ZNF407: variants seen among roughly 807,000 people sequenced by gnomAD.
ZNF407 encodes the protein zinc finger protein 407.
In ZNF407, 17 loss-of-function variants were observed where a neutral mutation model predicts 131.2. The observed-to-expected ratio is 0.13, with a 90% CI of 0.09 to 0.19. The LOEUF (loss-of-function observed/expected upper bound fraction) is 0.19. ZNF407 is among the 10% of genes least tolerant of loss of function. ZNF407 has a pLI of 1.00. For missense variants in ZNF407, 2,681 were observed against 2,830.6 expected, an observed-to-expected ratio of 0.95 and a Z score of 1.20; for synonymous variants, 1,156 against 1,062.0, an observed-to-expected ratio of 1.09 and a Z score of -1.72.
At chr18:74,837,471 T>A (rs1000442701) in intron 4 of ZNF407, among the ~76,000 whole-genome samples, 19 of 152,048 alleles carry the variant, frequency 1.2e-4, no homozygotes, top group Middle Eastern at 3.2e-3. Flanking sequence ...TACTGATATC[T>A]TGTTATTGTT....
At chr18:75,053,189 C>T (rs942513949) in intron 8 of ZNF407, among the ~76,000 whole-genome samples, 1 of 152,156 alleles carries the variant, frequency 6.6e-6, no homozygotes, top group Admixed American at 6.5e-5. Flanking sequence ...TAGAATGACG[C>T]ACTGTTCCCT....
intron 8 of ZNF407, among the ~76,000 whole-genome samples, chr18:75,046,625 A>G (rs909408405): frequency 1.3e-5 from 2 of 152,176 alleles, no homozygotes; most frequent in African/African-American, 4.8e-5. Flanking sequence ...TCCTGCCCCC[A>G]TGGAGCCAGG....
intron 8 of ZNF407, among the ~76,000 whole-genome samples, chr18:74,987,518 G>A (rs544479278): frequency 1.7e-3 from 255 of 152,208 alleles, no homozygotes; most frequent in African/African-American, 5.9e-3. Context: ...TCTATTGATC[G>A]GGCTCTGTTT....
In ZNF407 at chr18:75,007,030, T is replaced by C. The variant is rs1972918786; in HGVS notation, c.5429-56120T>C. Among the ~76,000 whole-genome samples, 8 of 152,052 alleles carry C rather than the reference T, an allele frequency of 5.3e-5. 1 individual carries two copies. The South Asian group carries it at 1.7e-3, about 32-fold the overall frequency. ...GATTAGTAGTCACATGATGCCTCTT[T>C]TTCATTTCAACTTTTTCAACTTTTT... On this transcript the variant is annotated intron_variant, in intron 8 of 8. Transcript: ENST00000299687.
At chr18:74,658,093 G>T (rs1476493550) in intron 3 of ZNF407, among the ~76,000 whole-genome samples, 1 of 148,478 alleles carries the variant, frequency 6.7e-6, no homozygotes, top group African/African-American at 2.6e-5. Context: ...TACAATAGAA[G>T]CAGCAGTTGT....
At chr18:74,741,662 A>AT (rs1164017182) in intron 3 of ZNF407, among the ~76,000 whole-genome samples, 2 of 152,058 alleles carry the variant, frequency 1.3e-5, no homozygotes, top group Non-Finnish European at 2.9e-5. Context: ...GTATATATAT[A>AT]TTTTTCATGC....
chr18:74,756,113 C>T (rs1171130984), intron 3 of ZNF407, among the ~76,000 whole-genome samples: 4 of 151,442 alleles, frequency 2.6e-5, no homozygotes, highest in Non-Finnish European at 5.9e-5. Flanking sequence ...AGGATGGTCT[C>T]GAACTCCTGA....
intron 4 of ZNF407, among the ~76,000 whole-genome samples, chr18:74,786,274 G>C (rs909737415): frequency 1.3e-5 from 2 of 152,082 alleles, no homozygotes; most frequent in Non-Finnish European, 2.9e-5. Context: ...TCATTGAAAT[G>C]GGTGATTTAT....
chr18:75,063,268 C>T lies in ZNF407; in HGVS notation c.5547C>T (p.Pro1849=). 1 of 1,613,696 alleles carries T rather than the reference C, an allele frequency of 6.2e-7. No individual in the cohort carries two copies. The highest frequency in any genetic ancestry group is 1.1e-5 in the South Asian group (1 of 91,086). ...AAGAGCCCCTCGTCAAGGAGAAGCCCCTCAGAAGCAGCAGGAGGCCAGCGC... is the reference window on the plus strand; with the variant it reads ...AAGAGCCCCTCGTCAAGGAGAAGCCTCTCAGAAGCAGCAGGAGGCCAGCGC... ...LAEEPLVKEK[P]LRSSRRPAPP... The change falls in exon 9 of 9, where the codon CCC becomes CCT. Residue 1849 remains proline (P), a synonymous_variant. Transcript: ENST00000299687. This position sits in a 1 kb window ranked among gnomAD's most constrained non-coding sequence, Gnocchi z 6.6.
At chr18:74,692,152 T>C (rs1383415092) in intron 3 of ZNF407, among the ~76,000 whole-genome samples, 2 of 151,950 alleles carry the variant, frequency 1.3e-5, no homozygotes, top group African/African-American at 4.8e-5. Context: ...AATATATATA[T>C]ACATACATAT....
At chr18:74,936,006 A>G (rs1036600825) in intron 8 of ZNF407, among the ~76,000 whole-genome samples, 1 of 152,128 alleles carries the variant, frequency 6.6e-6, no homozygotes, top group Non-Finnish European at 1.5e-5. Context: ...ATGATCCAGA[A>G]CTCAATCAAA....
chr18:74,604,408 A>T (rs928251267), intron 1 of ZNF407, among the ~76,000 whole-genome samples: 1 of 152,178 alleles, frequency 6.6e-6, no homozygotes, highest in African/African-American at 2.4e-5. Context: ...CCAGACCTCC[A>T]TAGGCCACAC....
chr18:74,963,152 CTTT>C (rs36225166), intron 8 of ZNF407, among the ~76,000 whole-genome samples: 4 of 138,492 alleles, frequency 2.9e-5, no homozygotes, highest in Non-Finnish European at 6.3e-5. Context: ...ACCTTCATTC[CTTT>C]TTTTTTTTTT....
intron 1 of ZNF407, among the ~76,000 whole-genome samples, chr18:74,613,071 T>A (rs948733198): frequency 1.3e-5 from 2 of 152,186 alleles, no homozygotes; most frequent in Non-Finnish European, 2.9e-5. Context: ...CATTTTGATT[T>A]TAGTTCTTGA....
At chr18:74,787,336 A>G (rs529139309) in intron 4 of ZNF407, among the ~76,000 whole-genome samples, 7 of 152,334 alleles carry the variant, frequency 4.6e-5, no homozygotes, top group African/African-American at 1.7e-4. Flanking sequence ...AAGTATTTCT[A>G]AATTCTATGG....
At chr18:74,903,936 C>G (rs1386421651) in intron 7 of ZNF407, among the ~76,000 whole-genome samples, 1 of 152,102 alleles carries the variant, frequency 6.6e-6, no homozygotes, top group Non-Finnish European at 1.5e-5. Flanking sequence ...ATATTGTATC[C>G]CCTATCCAGT....
chr18:74,946,579 A>T (rs1214681973), intron 8 of ZNF407, among the ~76,000 whole-genome samples: 1 of 152,234 alleles, frequency 6.6e-6, no homozygotes, highest in East Asian at 1.9e-4. Context: ...TTTTAGTTCA[A>T]AATCAACAAT....
In ZNF407 at chr18:75,018,108, A is replaced by G. The variant is rs146777107; in HGVS notation, c.5429-45042A>G. Among the ~76,000 whole-genome samples, 361 of 152,342 alleles carry G rather than the reference A, an allele frequency of 2.4e-3. 2 individuals are homozygous for G. Among genetic ancestry groups the G allele is most frequent in the Non-Finnish European group, 4.5e-3 (303 of 68,022 alleles). On this transcript the variant is annotated intron_variant, in intron 8 of 8. Transcript: ENST00000299687. The stretch of plus-strand genomic sequence containing the variant: ...ATAGAATTATGTGAACAACGGAATT[A>G]ATAGATTAATAGTTAATTTTGAAAA...
At position 75,063,368 on chromosome 18, in the gene ZNF407, G is replaced by A. The variant is rs570973285; in HGVS notation, c.5647G>A (p.Glu1883Lys). 1.2e-6 allele frequency: 2 copies of A among 1,611,724 alleles called. No homozygotes were observed. The highest frequency in any genetic ancestry group is 1.7e-4 in the Middle Eastern group (1 of 6,044). Reference sequence around the variant, plus strand: ...GGAGTTTGCCCTGGACCCCTCGGTGGAGGAGACGGCCGCCGCCACGCTGCA... The same window carrying A: ...GGAGTTTGCCCTGGACCCCTCGGTGAAGGAGACGGCCGCCGCCACGCTGCA... ...DGEFALDPSV[E>K]ETAAATLQTL... Residue 1883 changes from glutamate to lysine, a missense_variant, in exon 9 of 9, where the codon GAG becomes AAG. This residue lies in a region of ZNF407 where 620 missense variants were observed against 583.1 expected (regional missense o/e 1.06). Transcript: ENST00000299687. The surrounding 1 kb of genome is among the most constrained non-coding windows in gnomAD (Gnocchi z 6.6).
Sources: gnomAD v4.1 joint callset for allele counts (sites outside exome capture counted in the v4.1 genomes callset) on GRCh38, gnomAD v4.1.1 for gene constraint, gnomAD v4.1.1 regional missense constraint, Gnocchi (gnomAD v3.1) non-coding constraint, MANE v1.5 for transcripts, NCBI Gene and HGNC (gene_info 2026-07-23, HGNC 2026-07-21) for gene names.